TSHZ2: variants seen among roughly 807,000 people sequenced by gnomAD.
TSHZ2 encodes the protein teashirt homolog 2.
Under a neutral mutation model 74.4 loss-of-function variants are expected in TSHZ2, and 21 were observed. The ratio of observed to expected loss-of-function variants is 0.28; its 90% CI spans 0.20 to 0.41. The LOEUF is 0.41. TSHZ2 is among the 10% of genes least tolerant of loss of function. The pLI is 1.00. For missense variants in TSHZ2, 1,244 were observed against 1,293.5 expected, an observed-to-expected ratio of 0.96 and a Z score of 0.59; for synonymous variants, 540 against 515.3, an observed-to-expected ratio of 1.05 and a Z score of -0.65.
At chr20:53,447,095 T>C (rs1452380886) in intron 2 of TSHZ2, among the ~76,000 whole-genome samples, 1 of 152,224 alleles carries the variant, frequency 6.6e-6, no homozygotes, top group Non-Finnish European at 1.5e-5. Context: ...TCCTTCTCAA[T>C]AGTCACAGAA....
chr20:53,305,878 T>C (rs1312787754), intron 2 of TSHZ2, among the ~76,000 whole-genome samples: 1 of 151,372 alleles, frequency 6.6e-6, no homozygotes, highest in Non-Finnish European at 1.5e-5. Context: ...CCTGGGAGGC[T>C]GAGGCAGGAG....
At chr20:53,484,551 A>G (rs1444259884) in intron 2 of TSHZ2, among the ~76,000 whole-genome samples, 1 of 151,568 alleles carries the variant, frequency 6.6e-6, no homozygotes, top group African/African-American at 2.4e-5. Context: ...ATGCCCAGCT[A>G]ATTTTTGTGT....
intron 1 of TSHZ2, among the ~76,000 whole-genome samples, chr20:53,174,385 G>A (rs1006576976): frequency 1.3e-5 from 2 of 152,208 alleles, no homozygotes; most frequent in Non-Finnish European, 2.9e-5. Context: ...GAGACCTGGG[G>A]ACTCAACCAT....
intron 2 of TSHZ2, among the ~76,000 whole-genome samples, chr20:53,423,300 C>T (rs974892425): frequency 2.0e-4 from 31 of 152,138 alleles, no homozygotes; most frequent in African/African-American, 7.2e-4. Context: ...AGGAGAATCA[C>T]TTGAGCCCAG....
At chr20:53,322,498 G>A (rs901652329) in intron 2 of TSHZ2, among the ~76,000 whole-genome samples, 8 of 151,160 alleles carry the variant, frequency 5.3e-5, no homozygotes, top group African/African-American at 1.7e-4. Flanking sequence ...GGGCAACAGA[G>A]CAAGACCCTG....
At chr20:53,170,954 TA>T (rs11398230) in intron 1 of TSHZ2, among the ~76,000 whole-genome samples, 6,798 of 144,506 alleles carry the variant, frequency 0.047, 225 homozygotes, top group African/African-American at 0.097. Context: ...AAAAAGTAAT[TA>T]AAAAAAAAAA....
At chr20:53,028,000 G>A (rs1313093429) in intron 1 of TSHZ2, among the ~76,000 whole-genome samples, 1 of 152,158 alleles carries the variant, frequency 6.6e-6, no homozygotes, top group East Asian at 1.9e-4. Flanking sequence ...CAGGAGACGG[G>A]GCTTGTGGTT....
intron 1 of TSHZ2, among the ~76,000 whole-genome samples, chr20:53,001,916 G>A (rs1361894930): frequency 6.6e-6 from 1 of 152,108 alleles, no homozygotes. Flanking sequence ...GATGGAGAAC[G>A]GACTAAAGAA....
At chr20:53,173,535 G>A (rs569824231) in intron 1 of TSHZ2, among the ~76,000 whole-genome samples, 119 of 152,318 alleles carry the variant, frequency 7.8e-4, no homozygotes, top group African/African-American at 2.6e-3. Flanking sequence ...TTGAGCCCGG[G>A]GGGCAGAGGT....
chr20:53,164,309 A>G (rs749638633), intron 1 of TSHZ2, among the ~76,000 whole-genome samples: 5 of 152,186 alleles, frequency 3.3e-5, no homozygotes, highest in African/African-American at 4.8e-5. Flanking sequence ...ATGCAGGTCA[A>G]TGTCTACTTC....
intron 2 of TSHZ2, among the ~76,000 whole-genome samples, chr20:53,305,332 T>C (rs553102865): frequency 1.8e-4 from 27 of 152,362 alleles, no homozygotes; most frequent in Non-Finnish European, 3.4e-4. Flanking sequence ...TGGATGGAGC[T>C]ACATTTATTA....
At chr20:53,224,732 C>T (rs1989640755) in intron 1 of TSHZ2, among the ~76,000 whole-genome samples, 1 of 151,854 alleles carries the variant, frequency 6.6e-6, no homozygotes, top group African/African-American at 2.4e-5. Flanking sequence ...CACCTGTAAT[C>T]CCAGCTACTC....
chr20:53,262,670 C>T (rs1216823131), intron 2 of TSHZ2, among the ~76,000 whole-genome samples: 10 of 152,152 alleles, frequency 6.6e-5, no homozygotes, highest in Admixed American at 5.9e-4. Flanking sequence ...CTGCAAGAAT[C>T]GCAGGGCAGT....
chr20:53,004,133 A>T (rs2741360), intron 1 of TSHZ2, among the ~76,000 whole-genome samples: 2 of 151,952 alleles, frequency 1.3e-5, no homozygotes, highest in Non-Finnish European at 2.9e-5. Context: ...TGGAACACGC[A>T]CCCACTCCCC....
intron 2 of TSHZ2, among the ~76,000 whole-genome samples, chr20:53,257,021 A>G (rs942696678): frequency 6.6e-6 from 1 of 152,262 alleles, no homozygotes; most frequent in Non-Finnish European, 1.5e-5. Context: ...GGAGAGTGCT[A>G]GAAGTAGTTA....
intron 2 of TSHZ2, among the ~76,000 whole-genome samples, chr20:53,426,023 A>G (rs1228234604): frequency 6.6e-6 from 1 of 152,164 alleles, no homozygotes; most frequent in Non-Finnish European, 1.5e-5. Context: ...AGTTACCACT[A>G]TAGGAATTAA....
intron 1 of TSHZ2, among the ~76,000 whole-genome samples, chr20:53,111,754 T>G (rs935916513): frequency 6.6e-6 from 1 of 152,128 alleles, no homozygotes; most frequent in Non-Finnish European, 1.5e-5. Context: ...CAGTGCAAAA[T>G]GGAAATGCAG....
intron 1 of TSHZ2, among the ~76,000 whole-genome samples, chr20:53,206,348 G>T (rs187443821): frequency 1.3e-5 from 2 of 152,344 alleles, no homozygotes; most frequent in South Asian, 4.1e-4. Flanking sequence ...ACAGGCCCCC[G>T]AGTACAGTAG....
chr20:53,011,186 T>G (rs973910767), intron 1 of TSHZ2, among the ~76,000 whole-genome samples: 1 of 152,208 alleles, frequency 6.6e-6, no homozygotes, highest in Non-Finnish European at 1.5e-5. Context: ...ATTTGTTTGC[T>G]GTGTTTTAAG....
Sources: gnomAD v4.1 joint callset for allele counts (sites outside exome capture counted in the v4.1 genomes callset) on GRCh38, gnomAD v4.1.1 for gene constraint, MANE v1.5 for transcripts, NCBI Gene and HGNC (gene_info 2026-07-23, HGNC 2026-07-21) for gene names.